The following GPR149 variants were observed in gnomAD, a reference collection of about 807,000 sequenced individuals.
GPR149 encodes probable G protein-coupled receptor 149.
Under a neutral mutation model 50.2 loss-of-function variants are expected in GPR149, and 50 were observed. The observed-to-expected ratio is 1.00, with a 90% CI of 0.79 to 1.26. The LOEUF is 1.26. Among genes scored for constraint, GPR149 ranks in the 50% most tolerant of loss-of-function variants. The pLI, the probability that GPR149 is intolerant of heterozygous loss-of-function variation, is 0.00. For synonymous variants in GPR149, 405 were observed against 358.2 expected, an observed-to-expected ratio of 1.13 and a Z score of -1.48; for missense variants, 983 against 895.4, an observed-to-expected ratio of 1.10 and a Z score of -1.25.
chr3:154,353,239 C>T, intron 3 of GPR149: 5 of 1,496,938 alleles, frequency 3.3e-6, no homozygotes, highest in Non-Finnish European at 4.7e-6. Context: ...CACTGAATGG[C>T]CAAGTGTTCC....
rs566545156 is a variant in GPR149 at position 154,421,169 on chromosome 3, C to T, written c.1493G>A (p.Gly498Asp). ...GGTAGTTTCTTCATAGTTAATATCA[C>T]CTCCTGTTTTGTCAGAAAACGCATC... ...KKDAFSDKTGGDINYEETTFS... is the reference protein window; with the variant it reads ...KKDAFSDKTGDDINYEETTFS... Residue 498 changes from glycine (G) to aspartate (D), a missense_variant, in exon 3 of 4, where the codon GGT becomes GAT. By Grantham distance (94) the Gly-to-Asp change is moderately conservative. Coordinates refer to ENST00000389740, the MANE Select transcript of GPR149 (RefSeq NM_001038705.3). 6.8e-6 allele frequency: 11 copies of T among 1,613,396 alleles called. No homozygotes were observed. The African/African-American group carries it at 1.1e-4, about 16-fold the overall frequency.
intron 3 of GPR149, among the ~76,000 whole-genome samples, chr3:154,410,895 A>G (rs533704022): frequency 6.6e-6 from 1 of 152,286 alleles, no homozygotes; most frequent in South Asian, 2.1e-4. Flanking sequence ...TATACATTCT[A>G]TTCATCAGTA....
chr3:154,364,531 A>G (rs191920382), intron 3 of GPR149, among the ~76,000 whole-genome samples: 2 of 152,228 alleles, frequency 1.3e-5, no homozygotes, highest in Non-Finnish European at 2.9e-5. Context: ...CTGTGAAATC[A>G]AACAAATTAT....
At chr3:154,404,267 T>C (rs867988329) in intron 3 of GPR149, among the ~76,000 whole-genome samples, 58 of 152,274 alleles carry the variant, frequency 3.8e-4, no homozygotes, top group Middle Eastern at 3.4e-3. Flanking sequence ...TTAATTGAGA[T>C]ATACCTTTAC....
intron 3 of GPR149, among the ~76,000 whole-genome samples, chr3:154,357,320 A>G (rs947253120): frequency 5.3e-5 from 8 of 152,166 alleles, no homozygotes; most frequent in Admixed American, 4.6e-4. Flanking sequence ...ACAAAAGCCA[A>G]AATTGACAAA....
intron 3 of GPR149, among the ~76,000 whole-genome samples, chr3:154,350,260 T>A (rs551381342): frequency 5.3e-5 from 8 of 152,020 alleles, no homozygotes; most frequent in Non-Finnish European, 7.4e-5. Flanking sequence ...AAATGAAACT[T>A]TTGCAACTTG....
intron 3 of GPR149, among the ~76,000 whole-genome samples, chr3:154,365,654 T>C (rs1714515916): frequency 6.6e-6 from 1 of 152,180 alleles, no homozygotes; most frequent in Non-Finnish European, 1.5e-5. Flanking sequence ...AGAGATTTCT[T>C]CCACCAAATG....
intron 3 of GPR149, among the ~76,000 whole-genome samples, chr3:154,365,264 C>G (rs751557263): frequency 1.3e-5 from 2 of 152,150 alleles, no homozygotes; most frequent in African/African-American, 2.4e-5. Context: ...GGCAGCAAAC[C>G]CCAAGGTTCC....
chr3:154,352,588 T>C, intron 3 of GPR149: 1 of 776,572 alleles, frequency 1.3e-6, no homozygotes, highest in Non-Finnish European at 2.4e-6. Flanking sequence ...GTCATGGTCA[T>C]CAGAGGCGAT....
At chr3:154,352,589 C>G (rs1714106728) in intron 3 of GPR149, 2 of 776,528 alleles carry the variant, frequency 2.6e-6, no homozygotes, top group Admixed American at 1.7e-5. Flanking sequence ...TCATGGTCAT[C>G]AGAGGCGATC....
At chr3:154,403,258 G>T (rs935889528) in intron 3 of GPR149, among the ~76,000 whole-genome samples, 1 of 152,122 alleles carries the variant, frequency 6.6e-6, no homozygotes, top group Admixed American at 6.5e-5. Flanking sequence ...CATTAGGAAA[G>T]GCTATTGAAA....
intron 3 of GPR149, among the ~76,000 whole-genome samples, chr3:154,340,544 A>T (rs1464793199): frequency 6.6e-6 from 1 of 152,144 alleles, no homozygotes; most frequent in Non-Finnish European, 1.5e-5. Context: ...ATCTCTTAAG[A>T]CCCCACAGAT....
chr3:154,345,667 A>G (rs2108385901), intron 3 of GPR149, among the ~76,000 whole-genome samples: 1 of 152,308 alleles, frequency 6.6e-6, no homozygotes, highest in South Asian at 2.1e-4. Flanking sequence ...CCTTCGGCAC[A>G]TTGAATGTTT....
At position 154,421,347 on chromosome 3, in the gene GPR149, T is replaced by C; in HGVS notation, c.1315A>G (p.Lys439Glu). 1 of 1,613,298 alleles carries C rather than the reference T, an allele frequency of 6.2e-7. No individual in the cohort carries two copies. The highest frequency in any genetic ancestry group is 8.5e-7 in the Non-Finnish European group (1 of 1,179,452). ...NLMNSECETTKDPQRDNRNIF... is the reference protein window; with the variant it reads ...NLMNSECETTEDPQRDNRNIF... ...TTACGGTTGTCTCTCTGAGGGTCTT[T>C]TGTAGTTTCACACTCAGAGTTCATC... Residue 439 changes from lysine (K) to glutamate (E), a missense_variant, in exon 3 of 4, where the codon AAA becomes GAA. Coordinates refer to ENST00000389740, the MANE Select transcript of GPR149 (RefSeq NM_001038705.3).
At chr3:154,354,068 G>T in intron 3 of GPR149, 1 of 456,620 alleles carries the variant, frequency 2.2e-6, no homozygotes, top group Non-Finnish European at 4.2e-6. Flanking sequence ...CTTCCTATGA[G>T]ATTTAGAGAA....
At chr3:154,380,525 T>A (rs953758237) in intron 3 of GPR149, among the ~76,000 whole-genome samples, 2 of 152,192 alleles carry the variant, frequency 1.3e-5, no homozygotes, top group African/African-American at 4.8e-5. Context: ...TTTATATGAT[T>A]GCACTAAATT....
chr3:154,414,498 A>G (rs947671780), intron 3 of GPR149, among the ~76,000 whole-genome samples: 11 of 152,004 alleles, frequency 7.2e-5, no homozygotes, highest in Non-Finnish European at 1.2e-4. Flanking sequence ...GTTAGTTGGC[A>G]AGTTGTGATA....
intron 3 of GPR149, among the ~76,000 whole-genome samples, chr3:154,366,016 G>T (rs1714523535): frequency 6.6e-6 from 1 of 152,058 alleles, no homozygotes; most frequent in African/African-American, 2.4e-5. Context: ...TTCCAAAGCT[G>T]TTTCCATATT....
In GPR149 at chr3:154,346,125, T is replaced by C. The variant is rs971228653; in HGVS notation, c.1624-7854A>G. Among the ~76,000 whole-genome samples the C allele has an allele frequency of 1.4e-4, 21 of 152,312 alleles. No individual in the cohort carries two copies. The East Asian group carries it at 4.1e-3, about 29-fold the overall frequency. On this transcript the variant is annotated intron_variant, in intron 3 of 3. Coordinates refer to ENST00000389740, the MANE Select transcript of GPR149 (RefSeq NM_001038705.3). Reference sequence around the variant, plus strand: ...CTGACAATTTTAATCCCAATTAAACTCATATAGATGATCGTTAGGTAATTT... The same window carrying C: ...CTGACAATTTTAATCCCAATTAAACCCATATAGATGATCGTTAGGTAATTT...
Sources: gnomAD v4.1 joint callset for allele counts (sites outside exome capture counted in the v4.1 genomes callset) on GRCh38, gnomAD v4.1.1 for gene constraint, MANE v1.5 for transcripts, NCBI Gene and HGNC (gene_info 2026-07-23, HGNC 2026-07-21) for gene names.